The following MEGF10 variants were observed in gnomAD, a reference collection of about 807,000 sequenced individuals.
The protein encoded by MEGF10 is multiple EGF like domains 10.
Under a neutral mutation model 147.5 loss-of-function variants are expected in MEGF10, and 86 were observed. The ratio of observed to expected loss-of-function variants is 0.58; its 90% confidence interval spans 0.49 to 0.70. The LOEUF (loss-of-function observed/expected upper bound fraction) is 0.70, where lower values mean the gene tolerates loss of function less well. Among genes scored for constraint, MEGF10 ranks in the 30% least tolerant of loss-of-function variants. The pLI is 0.00. For synonymous variants in MEGF10, 478 were observed against 525.5 expected (o/e 0.91, Z 1.24); for missense variants, 1,329 against 1,487.3 (o/e 0.89, Z 1.75).
At chr5:127,274,530 C>T in the MEGF10 span, among the ~76,000 whole-genome samples, 2 of 151,636 alleles carry the variant, frequency 1.3e-5, no homozygotes. Flanking sequence ...ACCAACTATG[C>T]CGTAATTGTG....
At chr5:127,256,871 AC>A in the MEGF10 span, among the ~76,000 whole-genome samples, 1 of 152,178 alleles carries the variant, frequency 6.6e-6, no homozygotes, top group Non-Finnish European at 1.5e-5. Context: ...AAAAAGCCAT[AC>A]AAAATTTATT....
chr5:127,403,519 A>G (rs1324859684), intron 8 of MEGF10, among the ~76,000 whole-genome samples: 1 of 152,160 alleles, frequency 6.6e-6, no homozygotes, highest in African/African-American at 2.4e-5. Context: ...TATGCTATCA[A>G]ATAGTAGGTC....
At chr5:127,231,264 C>T in the MEGF10 span, among the ~76,000 whole-genome samples, 21 of 152,314 alleles carry the variant, frequency 1.4e-4, no homozygotes, top group Non-Finnish European at 2.2e-4. Context: ...AGATTAAAAT[C>T]GAAACTCCTC....
At chr5:127,425,899 G>A (rs540795207) in intron 13 of MEGF10, among the ~76,000 whole-genome samples, 1 of 152,302 alleles carries the variant, frequency 6.6e-6, no homozygotes, top group East Asian at 1.9e-4. Flanking sequence ...TCCCTGGACA[G>A]GGCAGAAGTA....
chr5:127,286,899 T>C (rs532125430), upstream of MEGF10, among the ~76,000 whole-genome samples: 16 of 151,996 alleles, frequency 1.1e-4, no homozygotes, highest in African/African-American at 3.9e-4. Context: ...ACAAATATCC[T>C]GAACAAATTT....
chr5:127,400,053 A>G (rs945395579), intron 7 of MEGF10, among the ~76,000 whole-genome samples: 7 of 152,202 alleles, frequency 4.6e-5, no homozygotes, highest in African/African-American at 1.7e-4. Flanking sequence ...TTGGTCTGGT[A>G]TTGCCTTTTC....
chr5:127,268,559 T>G, the MEGF10 span, among the ~76,000 whole-genome samples: 3 of 152,174 alleles, frequency 2.0e-5, no homozygotes, highest in Non-Finnish European at 4.4e-5. Context: ...CCACCGTTGG[T>G]GAGGCTGGAG....
At chr5:127,412,426 G>A (rs1202107577) in intron 9 of MEGF10, among the ~76,000 whole-genome samples, 1 of 152,082 alleles carries the variant, frequency 6.6e-6, no homozygotes, top group Non-Finnish European at 1.5e-5. Context: ...AAACCAAAAG[G>A]CATAGAATCC....
chr5:127,406,242 A>G (rs1229883550), intron 8 of MEGF10, among the ~76,000 whole-genome samples: 1 of 152,234 alleles, frequency 6.6e-6, no homozygotes, highest in Non-Finnish European at 1.5e-5. Context: ...AGGGAATAAC[A>G]GTTAATTTTC....
At chr5:127,295,625 G>C (rs1759462846) in intron 1 of MEGF10, among the ~76,000 whole-genome samples, 2 of 152,158 alleles carry the variant, frequency 1.3e-5, no homozygotes, top group Admixed American at 1.3e-4. Context: ...TAGGGCAGCT[G>C]CACCATAAAA....
chr5:127,284,868 A>G, the MEGF10 span, among the ~76,000 whole-genome samples: 7 of 152,192 alleles, frequency 4.6e-5, no homozygotes, highest in African/African-American at 1.7e-4. Context: ...AATTATGGGT[A>G]TAAGAAGCCA....
Position 127,435,389 on chromosome 5 carries a change from CTG to C in MEGF10, c.2007_2008del (p.Ala670ArgfsTer12), listed in dbSNP as rs748505177. 2 of 1,614,132 alleles carry C rather than the reference CTG, an allele frequency of 1.2e-6. No individual in the cohort carries two copies. Among genetic ancestry groups the C allele is most frequent in the Non-Finnish European group, 1.7e-6 (2 of 1,180,000 alleles). On this transcript the variant is annotated frameshift_variant, in exon 16 of 25. Transcript: ENST00000503335. LOFTEE classifies it high-confidence loss of function. ...VCPSGRFGKN[C>X]AGICTCTNNG... ...GTCCCAGTGGCAGATTTGGGAAAAACTGTGCAGGAATTTGTACCTGCACCAAC... is the reference window on the plus strand; with the variant it reads ...GTCCCAGTGGCAGATTTGGGAAAAACTGCAGGAATTTGTACCTGCACCAAC...
intron 18 of MEGF10, among the ~76,000 whole-genome samples, chr5:127,441,998 C>T (rs553343349): frequency 2.0e-5 from 3 of 152,336 alleles, no homozygotes; most frequent in African/African-American, 7.2e-5. Flanking sequence ...GTCATGAAAA[C>T]AGATCCTGAC....
chr5:127,360,785 T>C (rs1193558202), intron 4 of MEGF10, among the ~76,000 whole-genome samples: 1 of 151,796 alleles, frequency 6.6e-6, no homozygotes, highest in Non-Finnish European at 1.5e-5. Context: ...GTTATATATA[T>C]GTATATGAAG....
In MEGF10 at chr5:127,457,630, A is replaced by C. The variant is rs2127050299; in HGVS notation, c.*312A>C. ...GAACTCCCTCGGAGACGCAGGTTGCAGTGGACATTGGGATTGTTGCTTGAA... is the reference window on the plus strand; with the variant it reads ...GAACTCCCTCGGAGACGCAGGTTGCCGTGGACATTGGGATTGTTGCTTGAA... On this transcript the variant is annotated 3_prime_UTR_variant, in exon 25 of 25. Transcript: ENST00000503335. 2 of 321,296 alleles carry C rather than the reference A, an allele frequency of 6.2e-6. No individual in the cohort carries two copies. Among genetic ancestry groups the C allele is most frequent in the East Asian group, 1.2e-4 (2 of 16,634 alleles). 19.9% of individuals were successfully genotyped at this position (321,296 alleles called of 1,614,324 possible).
chr5:127,395,377 T>G (rs1763864484), intron 5 of MEGF10, among the ~76,000 whole-genome samples: 1 of 152,092 alleles, frequency 6.6e-6, no homozygotes, highest in Non-Finnish European at 1.5e-5. Context: ...TGGTTTCGTT[T>G]GCCTATTATC....
At chr5:127,390,610 A>G (rs530448706) in intron 5 of MEGF10, among the ~76,000 whole-genome samples, 8 of 152,276 alleles carry the variant, frequency 5.3e-5, no homozygotes, top group East Asian at 3.9e-4. Context: ...TCTACTTTTT[A>G]TAATTATGAT....
intron 21 of MEGF10, 127 bp downstream of exon 21, chr5:127,447,811 C>A: frequency 2.5e-6 from 3 of 1,188,010 alleles, no homozygotes; most frequent in Non-Finnish European, 2.3e-6. Flanking sequence ...TAATTTATTC[C>A]TCTAAACAGT....
At chr5:127,286,344 C>T (rs1561548864), upstream of MEGF10, among the ~76,000 whole-genome samples, 1 of 151,944 alleles carries the variant, frequency 6.6e-6, no homozygotes, top group Non-Finnish European at 1.5e-5. Flanking sequence ...ATGATAAATG[C>T]TCAAGGTGAT....
Sources: allele counts gnomAD v4.1 joint callset (sites outside exome capture counted in the v4.1 genomes callset), GRCh38; gene constraint gnomAD v4.1.1; transcripts MANE v1.5; gene names NCBI Gene and HGNC (gene_info 2026-07-23, HGNC 2026-07-21).